The following CANX variants were observed in gnomAD, a reference collection of about 807,000 sequenced individuals.
The protein encoded by CANX is calnexin, also known as epididymis secretory sperm binding protein.
Under a neutral mutation model 75.7 loss-of-function variants are expected in CANX, and 14 were observed. The observed-to-expected ratio is 0.19, with a 90% CI of 0.12 to 0.29. CANX has a LOEUF of 0.29. Among genes scored for constraint, CANX ranks in the 10% least tolerant of loss-of-function variants. The probability of loss-of-function intolerance (pLI) is 1.00; values close to 1 mark genes in which losing one functional copy is unlikely to be tolerated. For missense variants in CANX, 567 were observed against 713.2 expected (o/e 0.79, Z 2.34); for synonymous variants, 227 against 236.9 (o/e 0.96, Z 0.38).
Position 179,730,053 on chromosome 5 carries a change from A to G in CANX, c.*1409A>G, listed in dbSNP as rs958388305. The G allele has an allele frequency of 1.3e-5, 2 of 152,608 alleles. No individual in the cohort carries two copies. Among genetic ancestry groups the G allele is most frequent in the African/African-American group, 4.8e-5 (2 of 41,424 alleles). The allele number at this position is 152,608 out of a possible 1,614,324, so 9.5% of individuals were successfully genotyped here. A position where few individuals can be genotyped will look rare whatever the true frequency, so the allele number is the denominator to read the frequency against. On this transcript the variant is annotated 3_prime_UTR_variant, in exon 15 of 15. Transcript: ENST00000247461. ...TTCATGCGGGATGCAGATGGGTGCT[A>G]TCAGAGCCTCTCCCACACCACTATA...
At chr5:179,712,423 CT>C (rs897451344) in intron 7 of CANX, among the ~76,000 whole-genome samples, 132 of 133,306 alleles carry the variant, frequency 9.9e-4, no homozygotes, top group Non-Finnish European at 1.0e-3. Flanking sequence ...ATATAATAAC[CT>C]TTTTTTTTTT....
At chr5:179,703,469 G>A (rs528054630) in intron 1 of CANX, among the ~76,000 whole-genome samples, 2 of 152,076 alleles carry the variant, frequency 1.3e-5, no homozygotes, top group South Asian at 4.1e-4. Flanking sequence ...GCCTCCCAAC[G>A]TGCTAGGATT....
At chr5:179,679,132 G>A in intron 1 of CANX, 1 of 1,535,680 alleles carries the variant, frequency 6.5e-7, no homozygotes, top group African/African-American at 1.4e-5. Context: ...AGCACTCGAA[G>A]GTTGCCAGGG....
chr5:179,723,804 C>G (rs1231156349), intron 12 of CANX, 25 bp downstream of exon 12: 3 of 1,572,072 alleles, frequency 1.9e-6, no homozygotes, highest in South Asian at 1.2e-5. Context: ...TTTTTAGAAT[C>G]AATTTTAGAG....
At chr5:179,698,575 C>A (rs1776494675), upstream of CANX, 2 of 1,289,388 alleles carry the variant, frequency 1.6e-6, no homozygotes, top group African/African-American at 3.0e-5. Flanking sequence ...CGCGATGCGT[C>A]CCAAGTCTCG....
upstream of CANX, chr5:179,698,434 C>T: frequency 7.8e-7 from 1 of 1,284,048 alleles, no homozygotes; most frequent in Non-Finnish European, 1.0e-6. Flanking sequence ...GCCAATCCGG[C>T]CAGGCGCTCG....
chr5:179,707,235 G>C (rs1271645049), intron 4 of CANX, 45 bp downstream of exon 4: 1 of 1,033,556 alleles, frequency 9.7e-7, no homozygotes, highest in Non-Finnish European at 1.5e-6. Flanking sequence ...ATAGAGGTTT[G>C]ACATGTTGTC....
intron 1 of CANX, among the ~76,000 whole-genome samples, chr5:179,687,141 C>T (rs1776204299): frequency 6.6e-6 from 1 of 151,414 alleles, no homozygotes; most frequent in Non-Finnish European, 1.5e-5. Flanking sequence ...ACCGCTCTGT[C>T]ACCCAGGCTG....
In CANX at chr5:179,709,990, G is replaced by A; in HGVS notation, c.646G>A (p.Glu216Lys). 1 of 1,613,348 alleles carries A rather than the reference G, an allele frequency of 6.2e-7. No homozygotes were observed. Among genetic ancestry groups the A allele is most frequent in the Non-Finnish European group, 8.5e-7 (1 of 1,179,440 alleles). Reference sequence around the variant, plus strand: ...AAACCCCAAAACGGGTATCTATGAAGAAAAACATGCTAAGAGGCCAGATGC... The same window carrying A: ...AAACCCCAAAACGGGTATCTATGAAAAAAAACATGCTAAGAGGCCAGATGC... ...HKNPKTGIYE[E>K]KHAKRPDADL... The change falls in exon 7 of 15, where the codon GAA (glutamate) becomes AAA (lysine). Residue 216 changes from glutamate (E) to lysine (K), a missense_variant. Coordinates refer to ENST00000247461, the MANE Select transcript of CANX (RefSeq NM_001746.4).
rs746603499 is a variant in CANX at position 179,705,834 on chromosome 5, T to G, written c.153T>G (p.Ala51=). 4.3e-6 allele frequency: 7 copies of G among 1,613,512 alleles called. No homozygotes were observed. The highest frequency in any genetic ancestry group is 5.9e-6 in the Non-Finnish European group (7 of 1,179,522). ...EVEDSKPDTT[A]PPSSPKVTYK... ...AAGACTCAAAACCAGATACCACTGC[T>G]CCTCCTTCATCTCCCAAGGTTTGAA... Residue 51 remains alanine, a synonymous_variant, in exon 2 of 15, where the codon GCT becomes GCG. Transcript: ENST00000247461.
At chr5:179,722,365 A>G (rs1778368437) in intron 10 of CANX, among the ~76,000 whole-genome samples, 1 of 152,250 alleles carries the variant, frequency 6.6e-6, no homozygotes, top group Non-Finnish European at 1.5e-5. Context: ...TGCTGCTGTA[A>G]TAATCCTTGT....
intron 1 of CANX, among the ~76,000 whole-genome samples, chr5:179,699,947 A>G (rs2113086004): frequency 6.6e-6 from 1 of 152,282 alleles, no homozygotes; most frequent in East Asian, 1.9e-4. Flanking sequence ...CGTTCTTGTC[A>G]AGTAATGGAT....
intron 1 of CANX, 43 bp from the exon 2 acceptor site, chr5:179,705,636 A>T (rs112496055): frequency 2.7e-6 from 4 of 1,478,146 alleles, no homozygotes; most frequent in Non-Finnish European, 3.7e-6. Flanking sequence ...ATGAAGTTTG[A>T]TAGGTGGCAA....
At chr5:179,698,038 A>G (rs1776464306), upstream of CANX, among the ~76,000 whole-genome samples, 2 of 152,166 alleles carry the variant, frequency 1.3e-5, no homozygotes, top group African/African-American at 4.8e-5. Context: ...TTTCCACCCT[A>G]GTAGTCAAGC....
At chr5:179,686,102 C>CTTTTTTTTTTTTTTT (rs757104413) in intron 1 of CANX, among the ~76,000 whole-genome samples, 42 of 128,606 alleles carry the variant, frequency 3.3e-4, no homozygotes, top group Non-Finnish European at 4.6e-4. Context: ...TTGTTCAAGT[C>CTTTTTTTTTTTTTTT]TTTTTTTTTT....
chr5:179,722,888 G>A lies in CANX; in HGVS notation c.1267G>A (p.Gly423Ser). The change falls in exon 11 of 15, where the codon GGT becomes AGT. Residue 423 changes from glycine (G) to serine (S), a missense_variant. Coordinates refer to ENST00000247461, the MANE Select transcript of CANX (RefSeq NM_001746.4). Reference sequence around the variant, plus strand: ...CAGAATGACTCCTTTTAGTGCTATTGGTTTGGAGCTGTGGTCCATGACCTC... The same window carrying A: ...CAGAATGACTCCTTTTAGTGCTATTAGTTTGGAGCTGTGGTCCATGACCTC... Reference protein sequence around the residue: ...PFRMTPFSAIGLELWSMTSDI... With the variant: ...PFRMTPFSAISLELWSMTSDI... 1.2e-6 allele frequency: 2 copies of A among 1,613,676 alleles called. No individual in the cohort carries two copies. The highest frequency in any genetic ancestry group is 1.7e-6 in the Non-Finnish European group (2 of 1,179,682).
chr5:179,689,153 C>T (rs934070267), intron 1 of CANX, among the ~76,000 whole-genome samples: 4 of 151,964 alleles, frequency 2.6e-5, no homozygotes, highest in African/African-American at 9.7e-5. Flanking sequence ...AATTGGGAAG[C>T]TGAGAATCGC....
chr5:179,711,123 G>A (rs1777523477), intron 7 of CANX, among the ~76,000 whole-genome samples: 1 of 152,114 alleles, frequency 6.6e-6, no homozygotes, highest in African/African-American at 2.4e-5. Context: ...TAATTTGTCA[G>A]CATTAAAAGA....
At chr5:179,689,378 A>ATTTTT (rs1562438533) in intron 1 of CANX, among the ~76,000 whole-genome samples, 1 of 98,296 alleles carries the variant, frequency 1.0e-5, no homozygotes, top group East Asian at 3.4e-4. Flanking sequence ...AAACCCAACA[A>ATTTTT]GTTTTTTTTT....
Sources: allele counts gnomAD v4.1 joint callset (sites outside exome capture counted in the v4.1 genomes callset), GRCh38; gene constraint gnomAD v4.1.1; transcripts MANE v1.5; gene names NCBI Gene and HGNC (gene_info 2026-07-23, HGNC 2026-07-21).